Variants in AKAP10 observed in about 807,000 individuals in gnomAD.
AKAP10 encodes A-kinase anchoring protein 10.
AKAP10 carries 24 observed loss-of-function variants against 80.8 expected under a neutral mutation model. The ratio of observed to expected loss-of-function variants is 0.30; its 90% CI spans 0.22 to 0.42. The LOEUF is 0.42. Ranked by LOEUF, AKAP10 falls within the 10% of genes least tolerant of loss-of-function variation. AKAP10 has a pLI of 1.00. For synonymous variants in AKAP10, 291 were observed against 277.7 expected, an observed-to-expected ratio of 1.05 and a Z score of -0.48; for missense variants, 661 against 794.9, an observed-to-expected ratio of 0.83 and a Z score of 2.03.
At chr17:19,957,421 A>C (rs1302614277) in intron 4 of AKAP10, among the ~76,000 whole-genome samples, 1 of 152,210 alleles carries the variant, frequency 6.6e-6, no homozygotes, top group Middle Eastern at 3.4e-3. Flanking sequence ...AGGCGCCTGT[A>C]GTCCCAGCTA....
At chr17:19,962,535 A>G (rs1157318571) in intron 3 of AKAP10, among the ~76,000 whole-genome samples, 1 of 152,216 alleles carries the variant, frequency 6.6e-6, no homozygotes, top group Non-Finnish European at 1.5e-5. Flanking sequence ...GTGTTAGGAG[A>G]ACATTAACTG....
At chr17:19,977,559 G>T in intron 1 of AKAP10, 33 bp downstream of exon 1, 1 of 1,230,490 alleles carries the variant, frequency 8.1e-7, no homozygotes. Context: ...CCTGAGGCCC[G>T]GCCTGACTCC....
At chr17:19,955,448 G>A (rs950729247) in intron 4 of AKAP10, among the ~76,000 whole-genome samples, 7 of 152,188 alleles carry the variant, frequency 4.6e-5, no homozygotes, top group Admixed American at 1.3e-4. Flanking sequence ...AATATTTGAA[G>A]ATAATGAAAA....
chr17:19,947,465 T>G lies in AKAP10; in HGVS notation c.918A>C (p.Ile306=), dbSNP rs747730372. ...QDAVNTFTKY[I]SPDAAKPIPI... ...GTATTGGTTTAGCAGCATCTGGAGA[T>G]ATATATTTGGTAAAAGTATTCACTG... Residue 306 remains isoleucine, a synonymous_variant, in exon 5 of 15, where the codon ATA becomes ATC. Transcript: ENST00000225737. 17 of 1,613,136 alleles carry G rather than the reference T, an allele frequency of 1.1e-5. No homozygotes were observed. In the Admixed American group the frequency reaches 1.7e-4, roughly 16 times the overall value.
At chr17:19,960,050 C>T (rs898554479) in intron 3 of AKAP10, among the ~76,000 whole-genome samples, 3 of 152,036 alleles carry the variant, frequency 2.0e-5, no homozygotes, top group East Asian at 1.9e-4. Flanking sequence ...AGTTCAAGAC[C>T]GGCCTGGGGA....
chr17:19,966,900 T>C (rs964990021), intron 2 of AKAP10, among the ~76,000 whole-genome samples: 2 of 152,034 alleles, frequency 1.3e-5, no homozygotes, highest in African/African-American at 4.8e-5. Context: ...CCAATCAAGT[T>C]TTGCTCAAAG....
At chr17:19,968,677 TA>T (rs1192047268) in intron 1 of AKAP10, among the ~76,000 whole-genome samples, 2 of 152,182 alleles carry the variant, frequency 1.3e-5, no homozygotes, top group Non-Finnish European at 2.9e-5. Context: ...TGAACCTGCT[TA>T]TGGAGAGACA....
chr17:19,935,614 ATTTT>A (rs200426239), intron 9 of AKAP10, among the ~76,000 whole-genome samples: 1 of 150,450 alleles, frequency 6.6e-6, no homozygotes, highest in Admixed American at 6.6e-5. Flanking sequence ...TCTATTTTTA[ATTTT>A]TTTTTTCTTT....
chr17:19,919,623 G>A (rs1165971859), intron 12 of AKAP10, among the ~76,000 whole-genome samples: 1 of 151,820 alleles, frequency 6.6e-6, no homozygotes, highest in Non-Finnish European at 1.5e-5. Context: ...AGCAGAGGTT[G>A]CAGTGAGGTG....
intron 8 of AKAP10, among the ~76,000 whole-genome samples, chr17:19,937,975 C>CTTT (rs547191721): frequency 1.7e-4 from 22 of 129,174 alleles, no homozygotes; most frequent in East Asian, 4.6e-4. Flanking sequence ...GACTGGAAAC[C>CTTT]TTTTTTTTTT....
chr17:19,957,924 A>G (rs922461923), intron 4 of AKAP10, 90 bp downstream of exon 4: 148 of 1,353,296 alleles, frequency 1.1e-4, no homozygotes, highest in Middle Eastern at 6.7e-4. Context: ...AAATATTCCA[A>G]TCATTTTATT....
intron 12 of AKAP10, among the ~76,000 whole-genome samples, chr17:19,917,677 G>A (rs2042760602): frequency 6.6e-6 from 1 of 152,176 alleles, no homozygotes; most frequent in African/African-American, 2.4e-5. Context: ...GCTCACGCCT[G>A]TAAGCCCAGT....
At chr17:19,966,234 T>A (rs1854108637) in intron 2 of AKAP10, among the ~76,000 whole-genome samples, 1 of 152,172 alleles carries the variant, frequency 6.6e-6, no homozygotes, top group African/African-American at 2.4e-5. Context: ...TCCCTCTCTC[T>A]CACACCTCAT....
chr17:19,920,154 C>T (rs773915658), intron 11 of AKAP10, 36 bp from the exon 12 acceptor site: 8 of 1,461,572 alleles, frequency 5.5e-6, no homozygotes, highest in Middle Eastern at 1.7e-4. Flanking sequence ...TAACTTCTAA[C>T]AATCAGTTTT....
In AKAP10 at chr17:19,939,699, T is replaced by C; in HGVS notation, c.1322+14A>G. ...AATAAGTATCTGCTGAATCCATCTA[T>C]CAATATAACTCACTTGTCATATAAA... On this transcript the variant is annotated intron_variant, in intron 8 of 14. Coordinates refer to ENST00000225737, the MANE Select transcript of AKAP10 (RefSeq NM_007202.4). 1 of 1,610,360 alleles carries C rather than the reference T, an allele frequency of 6.2e-7. No individual in the cohort carries two copies. The highest frequency in any genetic ancestry group is 8.5e-7 in the Non-Finnish European group (1 of 1,178,952).
chr17:19,963,336 C>G (rs1379893257), intron 2 of AKAP10, among the ~76,000 whole-genome samples: 1 of 151,398 alleles, frequency 6.6e-6, no homozygotes, highest in African/African-American at 2.4e-5. Context: ...CTGCCTCAGC[C>G]TCCCAAGTAG....
intron 4 of AKAP10, among the ~76,000 whole-genome samples, chr17:19,955,972 G>A (rs769717655): frequency 7.9e-5 from 12 of 152,154 alleles, no homozygotes; most frequent in Non-Finnish European, 1.5e-4. Flanking sequence ...ATAGTGGGAG[G>A]CAGAAACAAA....
At chr17:19,941,056 G>C in intron 6 of AKAP10, 46 bp from the exon 7 acceptor site, 5 of 1,566,400 alleles carry the variant, frequency 3.2e-6, no homozygotes, top group Non-Finnish European at 4.3e-6. Flanking sequence ...ACCAAGGAAA[G>C]AGTTTAAGTG....
chr17:19,974,749 G>C (rs2043544623), intron 1 of AKAP10, among the ~76,000 whole-genome samples: 1 of 151,604 alleles, frequency 6.6e-6, no homozygotes, highest in African/African-American at 2.4e-5. Flanking sequence ...TGTTGCAGTG[G>C]TGGGATCATA....
Sources: gnomAD v4.1 joint callset for allele counts (sites outside exome capture counted in the v4.1 genomes callset) on GRCh38, gnomAD v4.1.1 for gene constraint, MANE v1.5 for transcripts, NCBI Gene and HGNC (gene_info 2026-07-23, HGNC 2026-07-21) for gene names.